CACNA1D: variants seen among roughly 807,000 people sequenced by gnomAD.
CACNA1D encodes the protein voltage-dependent L-type calcium channel subunit alpha-1D.
Under a neutral mutation model 257.1 loss-of-function variants are expected in CACNA1D, and 55 were observed. The ratio of observed to expected loss-of-function variants is 0.21; its 90% CI spans 0.17 to 0.27. The LOEUF (loss-of-function observed/expected upper bound fraction) is 0.27. Among genes scored for constraint, CACNA1D ranks in the 10% least tolerant of loss-of-function variants. The pLI, the probability that CACNA1D is intolerant of heterozygous loss-of-function variation, is 1.00. For synonymous variants in CACNA1D, 980 were observed against 1,014.9 expected, an observed-to-expected ratio of 0.97 and a Z score of 0.65; for missense variants, 1,876 against 2,784.0, an observed-to-expected ratio of 0.67 and a Z score of 7.34.
chr3:53,623,090 A>G (rs536576686), intron 3 of CACNA1D, among the ~76,000 whole-genome samples: 88 of 152,268 alleles, frequency 5.8e-4, no homozygotes, highest in African/African-American at 1.9e-3. Flanking sequence ...ACGGGGTTTC[A>G]CCGTGTTAAC....
At chr3:53,530,747 G>A (rs965356035) in intron 3 of CACNA1D, among the ~76,000 whole-genome samples, 1 of 152,092 alleles carries the variant, frequency 6.6e-6, no homozygotes, top group African/African-American at 2.4e-5. Context: ...CATTTGTTTC[G>A]CTGGAGTATC....
chr3:53,562,649 A>G (rs561861086), intron 3 of CACNA1D, among the ~76,000 whole-genome samples: 1 of 128,672 alleles, frequency 7.8e-6, no homozygotes, highest in South Asian at 2.7e-4. Context: ...ATTTTCATAA[A>G]TGCCTCCCCC....
intron 8 of CACNA1D, among the ~76,000 whole-genome samples, chr3:53,701,631 C>T (rs1445003020): frequency 6.6e-6 from 1 of 152,246 alleles, no homozygotes; most frequent in Admixed American, 6.5e-5. Context: ...TGTAACCTCA[C>T]CTGCTTCCTT....
intron 29 of CACNA1D, among the ~76,000 whole-genome samples, chr3:53,757,192 A>G (rs753709906): frequency 1.0e-4 from 15 of 149,888 alleles, no homozygotes; most frequent in Admixed American, 4.6e-4. Flanking sequence ...TACCTTTTCC[A>G]CCTGCTGGAG....
chr3:53,712,534 G>A (rs1040292620), intron 9 of CACNA1D, among the ~76,000 whole-genome samples: 9 of 152,324 alleles, frequency 5.9e-5, no homozygotes, highest in Admixed American at 5.9e-4. Flanking sequence ...ACTAGCATGT[G>A]CATGTGCCTT....
chr3:53,513,080 T>C (rs2091186417), intron 3 of CACNA1D, among the ~76,000 whole-genome samples: 1 of 152,166 alleles, frequency 6.6e-6, no homozygotes, highest in Non-Finnish European at 1.5e-5. Flanking sequence ...AGTTTCTTGT[T>C]TTTGTGTGGT....
At chr3:53,750,301 A>C (rs1457048312) in intron 27 of CACNA1D, among the ~76,000 whole-genome samples, 1 of 152,120 alleles carries the variant, frequency 6.6e-6, no homozygotes, top group Non-Finnish European at 1.5e-5. Context: ...CTCTAAATCG[A>C]GGGCATTAAG....
Position 53,811,451 on chromosome 3 carries a change from G to C in CACNA1D, c.*45G>C. 1 of 1,473,846 alleles carries C rather than the reference G, an allele frequency of 6.8e-7. No homozygotes were observed. Among genetic ancestry groups the C allele is most frequent in the South Asian group, 1.4e-5 (1 of 71,730 alleles). The allele number at this position is 1,473,846 out of a possible 1,614,324, so 91.3% of individuals were successfully genotyped here. On this transcript the variant is annotated 3_prime_UTR_variant, in exon 48 of 48. Coordinates refer to ENST00000350061, the MANE Select transcript of CACNA1D (RefSeq NM_001128840.3). The surrounding 1 kb of genome is among the most constrained non-coding windows in gnomAD (Gnocchi z 4.2). ...TGGCTCTGGCCTCAGGTGGGGCGCAGGAGAGCCAGGGGAAAAGTGCCTCAT... is the reference window on the plus strand; with the variant it reads ...TGGCTCTGGCCTCAGGTGGGGCGCACGAGAGCCAGGGGAAAAGTGCCTCAT...
In CACNA1D at chr3:53,497,200, C is replaced by A; in HGVS notation, c.116C>A (p.Pro39Gln). 6.2e-7 allele frequency: 1 copy of A among 1,614,034 alleles called. No homozygotes were observed. The highest frequency in any genetic ancestry group is 8.5e-7 in the Non-Finnish European group (1 of 1,180,012). Residue 39 changes from proline (P) to glutamine (Q), a missense_variant, in exon 2 of 48, where the codon CCA becomes CAA. Coordinates refer to ENST00000350061, the MANE Select transcript of CACNA1D (RefSeq NM_001128840.3). ...GTRLPLSGEG[P>Q]TSQPNSSKQT... ...AGACTTCCTCTTTCTGGTGAAGGAC[C>A]AACTTCTCAGCCGAATAGCTCCAAG...
At chr3:53,568,738 C>A (rs536736470) in intron 3 of CACNA1D, among the ~76,000 whole-genome samples, 3 of 152,318 alleles carry the variant, frequency 2.0e-5, no homozygotes, top group African/African-American at 7.2e-5. Context: ...CTTAGATAAC[C>A]CTTTATTGAT....
intron 3 of CACNA1D, 97 bp from the exon 4 acceptor site, chr3:53,650,682 T>C: frequency 8.1e-7 from 1 of 1,236,428 alleles, no homozygotes; most frequent in Non-Finnish European, 1.2e-6. Context: ...AATGCTTATA[T>C]GTCTAAGGTG....
chr3:53,677,222 T>G (rs550422954), intron 8 of CACNA1D, among the ~76,000 whole-genome samples: 2 of 152,270 alleles, frequency 1.3e-5, no homozygotes, highest in South Asian at 2.1e-4. Context: ...GGTGGCAGTG[T>G]CTGAGCTTGC....
chr3:53,717,203 C>A (rs767893879), intron 9 of CACNA1D, among the ~76,000 whole-genome samples: 1 of 152,178 alleles, frequency 6.6e-6, no homozygotes, highest in African/African-American at 2.4e-5. Flanking sequence ...GATTCTCTTC[C>A]GTGACTTCCT....
At chr3:53,518,941 T>C (rs1158628448) in intron 3 of CACNA1D, among the ~76,000 whole-genome samples, 1 of 152,176 alleles carries the variant, frequency 6.6e-6, no homozygotes, top group Non-Finnish European at 1.5e-5. Context: ...CAGTCACGCT[T>C]CTCTAAGTCT....
At chr3:53,796,468 G>C in intron 40 of CACNA1D, 1 of 451,562 alleles carries the variant, frequency 2.2e-6, no homozygotes. Context: ...CTGGCAGATG[G>C]CTGGTGTGTC....
At chr3:53,762,897 G>A (rs1032018955) in intron 30 of CACNA1D, among the ~76,000 whole-genome samples, 1 of 152,236 alleles carries the variant, frequency 6.6e-6, no homozygotes, top group African/African-American at 2.4e-5. Context: ...AGTTATAAGG[G>A]CTGGGAGTTA....
chr3:53,612,841 T>G (rs1394970397), intron 3 of CACNA1D, among the ~76,000 whole-genome samples: 2 of 152,224 alleles, frequency 1.3e-5, no homozygotes, highest in African/African-American at 4.8e-5. Flanking sequence ...CATTACAGTC[T>G]TCACTGTCTG....
At chr3:53,801,542 T>A in intron 42 of CACNA1D, 117 bp downstream of exon 42, 1 of 1,328,310 alleles carries the variant, frequency 7.5e-7, no homozygotes, top group Non-Finnish European at 1.1e-6. Flanking sequence ...AGGTTCCCCG[T>A]AGGCATTTGT....
chr3:53,702,326 T>G (rs1023155673), intron 8 of CACNA1D, among the ~76,000 whole-genome samples: 22 of 152,108 alleles, frequency 1.4e-4, no homozygotes, highest in Non-Finnish European at 1.9e-4. Context: ...TTGGGGGGTG[T>G]CAGAGGCCTG....
Sources: allele counts gnomAD v4.1 joint callset (sites outside exome capture counted in the v4.1 genomes callset), GRCh38; gene constraint gnomAD v4.1.1; non-coding constraint Gnocchi (gnomAD v3.1); transcripts MANE v1.5; gene names NCBI Gene and HGNC (gene_info 2026-07-23, HGNC 2026-07-21).